The following TSPAN9 variants were observed in gnomAD, a reference collection of about 807,000 sequenced individuals.
TSPAN9 encodes tetraspanin 9.
Under a neutral mutation model 31.0 loss-of-function variants are expected in TSPAN9, and 16 were observed. That is an observed-to-expected ratio of 0.52 (90% CI 0.35 to 0.78). The LOEUF (loss-of-function observed/expected upper bound fraction) is 0.78. Ranked by LOEUF, TSPAN9 falls within the 30% of genes least tolerant of loss-of-function variation. The pLI, the probability that TSPAN9 is intolerant of heterozygous loss-of-function variation, is 0.01. For missense variants in TSPAN9, 272 were observed against 312.5 expected (o/e 0.87, Z 0.98); for synonymous variants, 145 against 121.6 (o/e 1.19, Z -1.27).
chr12:3,082,339 A>C (rs61589944), intron 1 of TSPAN9, among the ~76,000 whole-genome samples: 37,942 of 152,154 alleles, frequency 0.25, 5,429 homozygotes, highest in South Asian at 0.39. Context: ...CAGGTGTGGC[A>C]TGTGTGCAGG....
intron 3 of TSPAN9, 126 bp downstream of exon 3, chr12:3,201,382 TA>T (rs968036255): frequency 5.8e-4 from 528 of 903,992 alleles, no homozygotes; most frequent in Admixed American, 9.4e-4. Context: ...AGTGTGCTTT[TA>T]AAAAAAAATT....
rs12310131 is a variant in TSPAN9, at chr12:3,214,675, C to T, written c.63+13419C>T. Among the ~76,000 whole-genome samples the T allele has an allele frequency of 3.9e-5, 6 of 152,052 alleles. No homozygotes were observed. The South Asian group carries it at 1.2e-3, about 32-fold the overall frequency. ...CAGTTGATTTGAACACGCCCTCCCCCCTGCAGGGGAGGGCCTTCACGCCCT... is the reference window on the plus strand; with the variant it reads ...CAGTTGATTTGAACACGCCCTCCCCTCTGCAGGGGAGGGCCTTCACGCCCT... On this transcript the variant is annotated intron_variant, in intron 3 of 8. Transcript: ENST00000011898.
At chr12:3,278,382 A>G (rs1221238216) in intron 3 of TSPAN9, 39 bp from the exon 4 acceptor site, 1 of 1,607,770 alleles carries the variant, frequency 6.2e-7, no homozygotes, top group African/African-American at 1.3e-5. Context: ...GACGAATGTG[A>G]GAGCAGCGCC....
chr12:3,262,581 A>G (rs764249508), intron 3 of TSPAN9, among the ~76,000 whole-genome samples: 20 of 151,508 alleles, frequency 1.3e-4, no homozygotes, highest in Non-Finnish European at 2.5e-4. Flanking sequence ...ATGAAATGGC[A>G]TCTTTCCCCC....
intron 2 of TSPAN9, chr12:3,149,964 A>G (rs1387998179): frequency 1.3e-5 from 2 of 152,232 alleles, no homozygotes; most frequent in African/African-American, 4.8e-5. Context: ...TTGTTAATTG[A>G]TGTATTCATC....
rs1454216932 is a variant in TSPAN9 at position 3,107,093 on chromosome 12, G to A, written c.-18+23374G>A. Among the ~76,000 whole-genome samples, 6 of 152,090 alleles carry A rather than the reference G, an allele frequency of 3.9e-5. No homozygotes were observed. The highest frequency in any genetic ancestry group is 1.4e-4 in the African/African-American group (6 of 41,418). Reference sequence around the variant, plus strand: ...TTGTTTCTATTTCAGAAACCTTGCCGCCACCACCACCACTGCTGCCACCGC... The same window carrying A: ...TTGTTTCTATTTCAGAAACCTTGCCACCACCACCACCACTGCTGCCACCGC... On this transcript the variant is annotated intron_variant, in intron 2 of 8. Transcript: ENST00000011898. This position sits in a 1 kb window ranked among gnomAD's most constrained non-coding sequence, Gnocchi z 4.1.
intron 2 of TSPAN9, among the ~76,000 whole-genome samples, chr12:3,199,789 T>C (rs1464724403): frequency 2.0e-5 from 3 of 152,036 alleles, no homozygotes; most frequent in Admixed American, 6.6e-5. Flanking sequence ...CCCCGGCGCT[T>C]TCCGATACCT....
chr12:3,166,958 G>A (rs752013552), intron 2 of TSPAN9, among the ~76,000 whole-genome samples: 4 of 152,106 alleles, frequency 2.6e-5, no homozygotes, highest in South Asian at 4.2e-4. Context: ...CACCACGCCC[G>A]GCTAATTTTT....
intron 3 of TSPAN9, among the ~76,000 whole-genome samples, chr12:3,225,515 G>T (rs956061145): frequency 6.6e-6 from 1 of 152,158 alleles, no homozygotes; most frequent in South Asian, 2.1e-4. Flanking sequence ...GTGCAGAAGC[G>T]CTGGTCTGGG....
intron 3 of TSPAN9, among the ~76,000 whole-genome samples, chr12:3,244,389 C>A (rs942677874): frequency 2.0e-5 from 3 of 152,204 alleles, no homozygotes; most frequent in African/African-American, 7.2e-5. Context: ...GAAGCCCCAC[C>A]TACTCCCGCT....
chr12:3,125,872 T>A (rs2098327153), intron 2 of TSPAN9, among the ~76,000 whole-genome samples: 1 of 152,196 alleles, frequency 6.6e-6, no homozygotes, highest in East Asian at 1.9e-4. Context: ...TTTTTGTTTG[T>A]GTTTCATGGA....
intron 3 of TSPAN9, among the ~76,000 whole-genome samples, chr12:3,263,254 C>T (rs953712916): frequency 6.6e-6 from 1 of 152,190 alleles, no homozygotes; most frequent in Non-Finnish European, 1.5e-5. Flanking sequence ...TAGTTTCAAC[C>T]TTTTGTTTTA....
chr12:3,268,319 T>C (rs1385557379), intron 3 of TSPAN9, among the ~76,000 whole-genome samples: 28 of 125,396 alleles, frequency 2.2e-4, no homozygotes, highest in Middle Eastern at 5.1e-3. Flanking sequence ...CAGCCTGCCC[T>C]CTCTGTGTTC....
intron 2 of TSPAN9, among the ~76,000 whole-genome samples, chr12:3,122,281 C>CCGAGATCACGCTG (rs368874431): frequency 1.3e-5 from 2 of 150,688 alleles, no homozygotes; most frequent in Admixed American, 1.3e-4. Context: ...TTGCAGTGAG[C>CCGAGATCACGCTG]CTGCACTCCA....
chr12:3,096,401 C>G (rs2153963969), intron 2 of TSPAN9, among the ~76,000 whole-genome samples: 1 of 152,302 alleles, frequency 6.6e-6, no homozygotes, highest in African/African-American at 2.4e-5. Flanking sequence ...ACATTTCTAA[C>G]ATCTCTCCTA....
intron 2 of TSPAN9, among the ~76,000 whole-genome samples, chr12:3,096,240 G>A (rs1565573961): frequency 1.3e-5 from 2 of 152,336 alleles, no homozygotes; most frequent in East Asian, 3.9e-4. Flanking sequence ...CAGTGCTGTA[G>A]GGACTGGTCT....
intron 2 of TSPAN9, among the ~76,000 whole-genome samples, chr12:3,178,591 A>G (rs2098357185): frequency 6.6e-6 from 1 of 152,216 alleles, no homozygotes; most frequent in Non-Finnish European, 1.5e-5. Flanking sequence ...GCGCCCTGCC[A>G]GATGAAGGGG....
chr12:3,193,439 C>T (rs147124738), intron 2 of TSPAN9, among the ~76,000 whole-genome samples: 3 of 152,262 alleles, frequency 2.0e-5, no homozygotes, highest in Non-Finnish European at 2.9e-5. Context: ...GTTTCCTCGG[C>T]GCTAAGCTAA....
chr12:3,108,144 GTC>G (rs1218065175), intron 2 of TSPAN9, among the ~76,000 whole-genome samples: 1 of 152,198 alleles, frequency 6.6e-6, no homozygotes, highest in Non-Finnish European at 1.5e-5. Flanking sequence ...ATAAGACACA[GTC>G]TCTCCTCCAG....
Sources: allele counts gnomAD v4.1 joint callset (sites outside exome capture counted in the v4.1 genomes callset), GRCh38; gene constraint gnomAD v4.1.1; non-coding constraint Gnocchi (gnomAD v3.1); transcripts MANE v1.5; gene names NCBI Gene and HGNC (gene_info 2026-07-23, HGNC 2026-07-21).